Variants in RANBP2 observed in about 807,000 individuals in gnomAD.
RANBP2 encodes E3 SUMO-protein ligase RanBP2.
In RANBP2, 57 loss-of-function variants were observed where a neutral mutation model predicts 303.6. The ratio of observed to expected loss-of-function variants is 0.19; its 90% confidence interval spans 0.15 to 0.23. The LOEUF is 0.23. Ranked by LOEUF, RANBP2 falls within the 10% of genes least tolerant of loss-of-function variation. The probability of loss-of-function intolerance (pLI) is 1.00; values close to 1 mark genes in which losing one functional copy is unlikely to be tolerated. For missense variants in RANBP2, 3,138 were observed against 3,780.8 expected (o/e 0.83, Z 4.46); for synonymous variants, 1,167 against 1,301.5 (o/e 0.90, Z 2.23).
the RANBP2 span, among the ~76,000 whole-genome samples, chr2:109,278,561 G>C: frequency 6.6e-6 from 1 of 152,360 alleles, no homozygotes; most frequent in African/African-American, 2.4e-5. Flanking sequence ...CAATGTCACT[G>C]CATAGCAATG....
the RANBP2 span, among the ~76,000 whole-genome samples, chr2:109,703,708 C>A: frequency 6.6e-6 from 1 of 152,254 alleles, no homozygotes; most frequent in African/African-American, 2.4e-5. Flanking sequence ...GGATTACACG[C>A]GTGAGCCACC....
At chr2:109,290,576 A>G in the RANBP2 span, among the ~76,000 whole-genome samples, 2 of 152,188 alleles carry the variant, frequency 1.3e-5, no homozygotes, top group Non-Finnish European at 2.9e-5. Context: ...CCCAATGCCT[A>G]TCATTTTCTA....
chr2:108,939,762 T>C, the RANBP2 span, among the ~76,000 whole-genome samples: 1 of 152,206 alleles, frequency 6.6e-6, no homozygotes, highest in East Asian at 1.9e-4. Context: ...TGCTGGGTCC[T>C]CCCTCAGCTC....
chr2:109,193,526 T>C, the RANBP2 span, among the ~76,000 whole-genome samples: 5 of 152,240 alleles, frequency 3.3e-5, no homozygotes, highest in South Asian at 2.1e-4. Flanking sequence ...TTTTTATATC[T>C]GGCTTCTTTC....
the RANBP2 span, among the ~76,000 whole-genome samples, chr2:109,059,575 C>CA: frequency 6.8e-3 from 915 of 133,580 alleles, 37 homozygotes; most frequent in East Asian, 0.12. Flanking sequence ...GGCTCCGTCT[C>CA]AAAAAAAAAA....
chr2:109,053,830 A>C, the RANBP2 span, among the ~76,000 whole-genome samples: 14 of 143,960 alleles, frequency 9.7e-5, no homozygotes, highest in South Asian at 4.5e-4. Flanking sequence ...TCCCTCTCCC[A>C]CCCCCTCCCC....
the RANBP2 span, among the ~76,000 whole-genome samples, chr2:109,148,828 G>A: frequency 7.4e-6 from 1 of 134,992 alleles, no homozygotes; most frequent in East Asian, 2.0e-4. Context: ...TGTAGGGACA[G>A]CAATCATGGC....
chr2:109,041,913 T>G, the RANBP2 span, among the ~76,000 whole-genome samples: 1 of 152,120 alleles, frequency 6.6e-6, no homozygotes, highest in Admixed American at 6.6e-5. Flanking sequence ...TTCTCCTTTA[T>G]TCTGTTAATG....
the RANBP2 span, among the ~76,000 whole-genome samples, chr2:109,328,780 A>T: frequency 6.6e-6 from 1 of 152,234 alleles, no homozygotes; most frequent in Non-Finnish European, 1.5e-5. Flanking sequence ...ACAGTGGTTC[A>T]TGACCACTTT....
At chr2:109,190,235 G>A in the RANBP2 span, among the ~76,000 whole-genome samples, 3 of 151,834 alleles carry the variant, frequency 2.0e-5, no homozygotes, top group East Asian at 1.9e-4. Flanking sequence ...GTGCAGTGGC[G>A]TGATCTTGGC....
rs755967470 is a variant in RANBP2, at chr2:108,782,511, C to T, written c.9035-17C>T. On this transcript the variant is annotated splice_polypyrimidine_tract_variant and intron_variant, in intron 27 of 28. Transcript: ENST00000283195. ...TTTAATACTAAGGTCACTGCTTCCC[C>T]TTTCCCTCCCTGCCAGATGGAGAAG... 4 of 1,613,828 alleles carry T rather than the reference C, an allele frequency of 2.5e-6. No homozygotes were observed. In the African/African-American group the frequency reaches 5.3e-5, roughly 22 times the overall value.
At chr2:108,788,907 T>G (rs749371791), downstream of RANBP2, 2 of 1,614,150 alleles carry the variant, frequency 1.2e-6, no homozygotes, top group East Asian at 4.5e-5. Flanking sequence ...AATATTCTGA[T>G]GAAAGCAAGC....
At chr2:108,880,654 C>T in the RANBP2 span, among the ~76,000 whole-genome samples, 2 of 152,098 alleles carry the variant, frequency 1.3e-5, no homozygotes, top group African/African-American at 2.4e-5. Context: ...TGCCTGTACT[C>T]TATAAATGGA....
chr2:109,294,947 AGTT>A, the RANBP2 span, among the ~76,000 whole-genome samples: 1 of 152,268 alleles, frequency 6.6e-6, no homozygotes, highest in Non-Finnish European at 1.5e-5. Flanking sequence ...GCACTTTCCC[AGTT>A]GTTCTTTCAG....
chr2:109,119,521 C>T, the RANBP2 span, among the ~76,000 whole-genome samples: 1 of 152,102 alleles, frequency 6.6e-6, no homozygotes, highest in African/African-American at 2.4e-5. Flanking sequence ...ATGCTGGAAG[C>T]TTTTTTTATA....
chr2:109,664,047 GC>G, the RANBP2 span, among the ~76,000 whole-genome samples: 1 of 152,146 alleles, frequency 6.6e-6, no homozygotes. Context: ...TACTTCCAAA[GC>G]CAGTGGATCA....
chr2:109,568,050 A>G, the RANBP2 span: 1 of 1,174,340 alleles, frequency 8.5e-7, no homozygotes, highest in South Asian at 1.6e-5. Context: ...TTTTCACTCA[A>G]AACTGTTCAT....
the RANBP2 span, among the ~76,000 whole-genome samples, chr2:109,316,732 C>G: frequency 3.3e-5 from 5 of 152,164 alleles, no homozygotes; most frequent in Non-Finnish European, 4.4e-5. Context: ...ATCTATAATG[C>G]GATGTATCCA....
chr2:108,936,718 C>T, the RANBP2 span, among the ~76,000 whole-genome samples: 1 of 152,226 alleles, frequency 6.6e-6, no homozygotes, highest in Non-Finnish European at 1.5e-5. Context: ...ATGTGATTTA[C>T]AGCTCTGAAT....
Sources: allele counts gnomAD v4.1 joint callset (sites outside exome capture counted in the v4.1 genomes callset), GRCh38; gene constraint gnomAD v4.1.1; transcripts MANE v1.5; gene names NCBI Gene and HGNC (gene_info 2026-07-23, HGNC 2026-07-21).